RABGAP1L: variants seen among roughly 807,000 people sequenced by gnomAD.
RABGAP1L encodes RAB GTPase activating protein 1 like.
In RABGAP1L, 63 loss-of-function variants were observed where a neutral mutation model predicts 137.7. The ratio of observed to expected loss-of-function variants is 0.46; its 90% confidence interval spans 0.37 to 0.56. RABGAP1L has a LOEUF of 0.56. Ranked by LOEUF, RABGAP1L falls within the 20% of genes least tolerant of loss-of-function variation. RABGAP1L has a pLI of 0.00. For synonymous variants in RABGAP1L, 431 were observed against 433.7 expected, an observed-to-expected ratio of 0.99 and a Z score of 0.08; for missense variants, 1,095 against 1,244.0, an observed-to-expected ratio of 0.88 and a Z score of 1.80.
At chr1:174,810,232 G>C (rs1350755284) in intron 18 of RABGAP1L, among the ~76,000 whole-genome samples, 1 of 152,164 alleles carries the variant, frequency 6.6e-6, no homozygotes, top group Non-Finnish European at 1.5e-5. Context: ...CATTGTTCTT[G>C]TTGCTGTGGA....
Position 174,994,500 on chromosome 1 carries a change from C to A in RABGAP1L, c.*4499C>A, listed in dbSNP as rs1351181889. 1 of 152,088 alleles carries A rather than the reference C, an allele frequency of 6.6e-6. No homozygotes were observed. The highest frequency in any genetic ancestry group is 1.5e-5 in the Non-Finnish European group (1 of 68,030). The allele number at this position is 152,088 out of a possible 1,614,324, so 9.4% of individuals were successfully genotyped here. On this transcript the variant is annotated 3_prime_UTR_variant, in exon 26 of 26. Transcript: ENST00000681986. The stretch of plus-strand genomic sequence containing the variant: ...AAAGAATCATTGAGTAGAAAGTGAA[C>A]ATTTTAAGTTATTTTCCTTTTTCAT...
chr1:174,383,975 T>G (rs1467189508), intron 12 of RABGAP1L, among the ~76,000 whole-genome samples: 1 of 152,194 alleles, frequency 6.6e-6, no homozygotes, highest in African/African-American at 2.4e-5. Context: ...AAAACCTGTA[T>G]GTGAATGTTT....
intron 13 of RABGAP1L, among the ~76,000 whole-genome samples, chr1:174,523,398 AG>A (rs1270194053): frequency 6.6e-6 from 1 of 152,220 alleles, no homozygotes; most frequent in Non-Finnish European, 1.5e-5. Context: ...AAGACTATGC[AG>A]GGAAGAGGGA....
intron 18 of RABGAP1L, among the ~76,000 whole-genome samples, chr1:174,798,162 C>T (rs1426970739): frequency 6.7e-6 from 1 of 149,994 alleles, no homozygotes; most frequent in African/African-American, 2.5e-5. Flanking sequence ...TTTGGGAGGC[C>T]GAGGCAGGCG....
chr1:174,504,015 T>C (rs1046338242), intron 13 of RABGAP1L, among the ~76,000 whole-genome samples: 9 of 151,748 alleles, frequency 5.9e-5, no homozygotes, highest in Non-Finnish European at 1.2e-4. Flanking sequence ...CTCTGTTACT[T>C]AGGCTGGAGT....
intron 1 of RABGAP1L, among the ~76,000 whole-genome samples, chr1:174,174,845 A>G (rs1470418894): frequency 6.6e-6 from 1 of 152,168 alleles, no homozygotes; most frequent in Non-Finnish European, 1.5e-5. Context: ...GGGTAAGGGT[A>G]GATCGTTCTT....
At chr1:174,683,063 T>G (rs1488565074) in intron 14 of RABGAP1L, among the ~76,000 whole-genome samples, 2 of 149,994 alleles carry the variant, frequency 1.3e-5, no homozygotes, top group East Asian at 1.9e-4. Context: ...AAGGGGTTTT[T>G]TTTTTTTTTT....
rs748022098 is a variant in RABGAP1L, at chr1:174,683,570, T to C, written c.1873T>C (p.Phe625Leu). 4 of 1,609,268 alleles carry C rather than the reference T, an allele frequency of 2.5e-6. No homozygotes were observed. The East Asian group carries it at 6.7e-5, about 27-fold the overall frequency. The change falls in exon 15 of 26, where the codon TTT becomes CTT. Residue 625 changes from phenylalanine to leucine, a missense_variant. Around this residue, in one of 4 missense-constraint regions of RABGAP1L, gnomAD observed 315 missense variants for 324.8 expected, o/e 0.97. Transcript: ENST00000681986. ...EDIGYCQGQSFLAAVLLLHMP... is the reference protein window; with the variant it reads ...EDIGYCQGQSLLAAVLLLHMP... Reference sequence around the variant, plus strand: ...CATTGGGTACTGTCAAGGGCAGTCTTTTCTTGCTGCTGTATTACTGCTGCA... The same window carrying C: ...CATTGGGTACTGTCAAGGGCAGTCTCTTCTTGCTGCTGTATTACTGCTGCA...
chr1:174,793,830 G>A (rs1289772691), intron 18 of RABGAP1L, among the ~76,000 whole-genome samples: 1 of 151,914 alleles, frequency 6.6e-6, no homozygotes, highest in Non-Finnish European at 1.5e-5. Context: ...CCAGTAGCTG[G>A]GATTACAGGT....
rs941576022 is a variant in RABGAP1L at position 174,828,903 on chromosome 1, G to T, written c.2340+16943G>T. On this transcript the variant is annotated intron_variant, in intron 19 of 25. Coordinates refer to ENST00000681986, the MANE Select transcript of RABGAP1L (RefSeq NM_001366446.1). ...TTTTCCATTTAATTAGTAGCTGTTT[G>T]ATCTCTGGCAAGTTACTTATTGTAC... Among the ~76,000 whole-genome samples, 8 of 148,380 alleles carry T rather than the reference G, an allele frequency of 5.4e-5. 2 individuals are homozygous for T. Among genetic ancestry groups the T allele is most frequent in the Admixed American group, 1.3e-4 (2 of 14,840 alleles).
rs974958803 is a variant in RABGAP1L at position 174,232,611 on chromosome 1, G to A, written c.542+1256G>A. ...ATCCTGGCTAACACGGTGAAACCCCGTCTCTACTAAAAATACAAAAAATTA... is the reference window on the plus strand; with the variant it reads ...ATCCTGGCTAACACGGTGAAACCCCATCTCTACTAAAAATACAAAAAATTA... On this transcript the variant is annotated intron_variant, in intron 4 of 25. Transcript: ENST00000681986. Among the ~76,000 whole-genome samples, 10 of 151,642 alleles carry A rather than the reference G, an allele frequency of 6.6e-5. 1 individual carries two copies. Among genetic ancestry groups the A allele is most frequent in the African/African-American group, 2.2e-4 (9 of 41,286 alleles).
intron 19 of RABGAP1L, among the ~76,000 whole-genome samples, chr1:174,813,647 A>G (rs1690102822): frequency 6.6e-6 from 1 of 152,256 alleles, no homozygotes; most frequent in African/African-American, 2.4e-5. Context: ...TATCATAAGA[A>G]AGATGGATTT....
chr1:174,516,360 C>T (rs1662849097), intron 13 of RABGAP1L, among the ~76,000 whole-genome samples: 1 of 152,012 alleles, frequency 6.6e-6, no homozygotes, highest in Admixed American at 6.6e-5. Flanking sequence ...ACAATTCTCA[C>T]CAAAAAATAC....
At chr1:174,366,895 A>G (rs960485609) in intron 11 of RABGAP1L, among the ~76,000 whole-genome samples, 2 of 151,740 alleles carry the variant, frequency 1.3e-5, no homozygotes, top group African/African-American at 4.8e-5. Context: ...TGCCTGAGCC[A>G]TTTGTGAAGT....
intron 18 of RABGAP1L, among the ~76,000 whole-genome samples, chr1:174,787,602 T>G (rs989495853): frequency 6.6e-6 from 1 of 152,042 alleles, no homozygotes; most frequent in Non-Finnish European, 1.5e-5. Flanking sequence ...CAGATGCAAT[T>G]GGAAAGGTAG....
chr1:174,202,328 T>C lies in RABGAP1L; in HGVS notation c.-33-16797T>C, dbSNP rs561725905. ...CCAGCACCTGTTGTTTCCTGACTTT[T>C]TAATGATTCCCATTCTAACTGGTGT... On this transcript the variant is annotated intron_variant, in intron 1 of 25. Transcript: ENST00000681986. 2.0e-5 allele frequency among the ~76,000 whole-genome samples: 3 copies of C among 152,310 alleles called. No individual in the cohort carries two copies. The East Asian group carries it at 5.8e-4, about 29-fold the overall frequency.
At chr1:174,385,418 A>G (rs1033186937) in intron 12 of RABGAP1L, among the ~76,000 whole-genome samples, 16 of 152,222 alleles carry the variant, frequency 1.1e-4, no homozygotes, top group Admixed American at 8.5e-4. Flanking sequence ...CCAAGTGACT[A>G]TGTCCATTAA....
At chr1:174,168,871 T>A (rs1276084149) in intron 1 of RABGAP1L, among the ~76,000 whole-genome samples, 1 of 152,206 alleles carries the variant, frequency 6.6e-6, no homozygotes, top group Non-Finnish European at 1.5e-5. Flanking sequence ...AAAAAAATAT[T>A]TATGGGGTAC....
chr1:174,160,275 CA>C (rs1265030224), intron 1 of RABGAP1L, among the ~76,000 whole-genome samples: 1 of 136,302 alleles, frequency 7.3e-6, no homozygotes. Flanking sequence ...CACCTCCCCC[CA>C]ACCCCCACCC....
Sources: allele counts gnomAD v4.1 joint callset (sites outside exome capture counted in the v4.1 genomes callset), GRCh38; gene constraint gnomAD v4.1.1; regional missense constraint gnomAD v4.1.1; transcripts MANE v1.5; gene names NCBI Gene and HGNC (gene_info 2026-07-23, HGNC 2026-07-21).